PEA15: variants seen among roughly 807,000 people sequenced by gnomAD.
The protein encoded by PEA15 is astrocytic phosphoprotein PEA-15.
For synonymous variants in PEA15, 60 were observed against 61.8 expected (o/e 0.97, Z 0.13); for missense variants, 77 against 161.3 (o/e 0.48, Z 2.83).
chr1:160,209,664 A>G (rs780663901), intron 1 of PEA15, among the ~76,000 whole-genome samples: 3 of 152,018 alleles, frequency 2.0e-5, no homozygotes, highest in Non-Finnish European at 4.4e-5. Context: ...TTGGCCCCAG[A>G]GTTTCCTCCA....
Position 160,205,412 on chromosome 1 carries a change from G to A in PEA15, c.-113G>A, listed in dbSNP as rs1654510770. On this transcript the variant is annotated 5_prime_UTR_variant, in exon 1 of 4. Coordinates refer to ENST00000360472, the MANE Select transcript of PEA15 (RefSeq NM_003768.5). The surrounding 1 kb of genome is among the most constrained non-coding windows in gnomAD (Gnocchi z 5.9). ...TCCGCGGGCGGAAGAGGCGGCGGCGGCGGCAGAAGCGGCGGCGGCGGCGGC... is the reference window on the plus strand; with the variant it reads ...TCCGCGGGCGGAAGAGGCGGCGGCGACGGCAGAAGCGGCGGCGGCGGCGGC... 2 of 170,792 alleles carry A rather than the reference G, an allele frequency of 1.2e-5. No individual in the cohort carries two copies. Among genetic ancestry groups the A allele is most frequent in the South Asian group, 1.3e-4 (1 of 7,836 alleles). The allele number at this position is 170,792 out of a possible 1,614,324, so 10.6% of individuals were successfully genotyped here.
intron 2 of PEA15, among the ~76,000 whole-genome samples, chr1:160,212,169 G>A (rs755831695): frequency 6.6e-6 from 1 of 152,172 alleles, no homozygotes; most frequent in African/African-American, 2.4e-5. Context: ...TGCTTGGGGA[G>A]TGGGATCTAT....
At chr1:160,210,124 C>G (rs1475335953) in intron 1 of PEA15, among the ~76,000 whole-genome samples, 1 of 152,192 alleles carries the variant, frequency 6.6e-6, no homozygotes, top group Non-Finnish European at 1.5e-5. Context: ...ACTTCTGGGT[C>G]TGTATCTCTT....
At chr1:160,209,534 C>CAG (rs1654763929) in intron 1 of PEA15, among the ~76,000 whole-genome samples, 2 of 152,068 alleles carry the variant, frequency 1.3e-5, no homozygotes, top group South Asian at 4.1e-4. Flanking sequence ...CACACACACA[C>CAG]AGACACACAC....
chr1:160,211,460 G>C (rs1420804573), intron 1 of PEA15, 83 bp from the exon 2 acceptor site: 58 of 1,452,146 alleles, frequency 4.0e-5, no homozygotes, highest in Non-Finnish European at 5.3e-5. Context: ...GCAGAGTGGG[G>C]AGTAGGAGGG....
At chr1:160,212,072 T>G (rs1470712411) in intron 2 of PEA15, among the ~76,000 whole-genome samples, 1 of 152,200 alleles carries the variant, frequency 6.6e-6, no homozygotes, top group Non-Finnish European at 1.5e-5. Context: ...TAAATAGTAA[T>G]ACTAATCTTT....
intron 1 of PEA15, chr1:160,206,482 G>A (rs1654594076): frequency 6.6e-6 from 1 of 152,412 alleles, no homozygotes; most frequent in Non-Finnish European, 1.5e-5. Context: ...TCTCTTCCTG[G>A]GTCCAGTTAG....
rs1457701161 is a variant in PEA15, at chr1:160,211,795, C to T, written c.172+79C>T. On this transcript the variant is annotated intron_variant, in intron 2 of 3. Coordinates refer to ENST00000360472, the MANE Select transcript of PEA15 (RefSeq NM_003768.5). ...TCAGCAAATAGAGATGAGCTCAAAGCTTTTACATCCACAATGTGTACCCCT... is the reference window on the plus strand; with the variant it reads ...TCAGCAAATAGAGATGAGCTCAAAGTTTTTACATCCACAATGTGTACCCCT... 5.8e-6 allele frequency: 8 copies of T among 1,378,270 alleles called. No homozygotes were observed. The East Asian group carries it at 6.9e-5, about 12-fold the overall frequency. The allele number at this position is 1,378,270 out of a possible 1,614,324, so 85.4% of individuals were successfully genotyped here.
At chr1:160,209,586 A>C (rs568590358) in intron 1 of PEA15, among the ~76,000 whole-genome samples, 4 of 152,138 alleles carry the variant, frequency 2.6e-5, no homozygotes, top group Admixed American at 6.5e-5. Context: ...TAATATTTAC[A>C]AACTCTCCTT....
At position 160,213,608 on chromosome 1, in the gene PEA15, C is replaced by T; in HGVS notation, c.*122C>T. The T allele has an allele frequency of 1.4e-6, 1 of 693,026 alleles. No individual in the cohort carries two copies. The highest frequency in any genetic ancestry group is 2.5e-6 in the Non-Finnish European group (1 of 405,148). The allele number at this position is 693,026 out of a possible 1,614,324, so 42.9% of individuals were successfully genotyped here. A position where few individuals can be genotyped will look rare whatever the true frequency, so the allele number is the denominator to read the frequency against. Reference sequence around the variant, plus strand: ...CACTTACTAACCTGGTCCTAACCCCCTTACTGTGCGCGTGTGTGTGCGTGT... The same window carrying T: ...CACTTACTAACCTGGTCCTAACCCCTTTACTGTGCGCGTGTGTGTGCGTGT... On this transcript the variant is annotated 3_prime_UTR_variant, in exon 4 of 4. Coordinates refer to ENST00000360472, the MANE Select transcript of PEA15 (RefSeq NM_003768.5). The surrounding 1 kb of genome is among the most constrained non-coding windows in gnomAD (Gnocchi z 5.3).
Position 160,208,610 on chromosome 1 carries a change from G to A in PEA15, c.-2-2933G>A. The A allele has an allele frequency of 6.4e-7, 1 of 1,550,528 alleles. No homozygotes were observed. On this transcript the variant is annotated intron_variant, in intron 1 of 3. Coordinates refer to ENST00000360472, the MANE Select transcript of PEA15 (RefSeq NM_003768.5). This position sits in a 1 kb window ranked among gnomAD's most constrained non-coding sequence, Gnocchi z 4.1. The stretch of plus-strand genomic sequence containing the variant: ...TCTCTGGTGAGGAAAGTGACATGGA[G>A]GATGAAGGAAACAAGCTCTGCCAAG...
Position 160,213,419 on chromosome 1 carries a change from C to T in PEA15, c.329-3C>T, listed in dbSNP as rs758557864. The T allele has an allele frequency of 1.2e-6, 2 of 1,614,072 alleles. No homozygotes were observed. The highest frequency in any genetic ancestry group is 3.3e-5 in the Admixed American group (2 of 59,990). The stretch of plus-strand genomic sequence containing the variant: ...CCCTGGACACATACCTTTTTGCCCC[C>T]AGACATTATCCGGCAGCCCTCTGAG... On this transcript the variant is annotated splice_region_variant and splice_polypyrimidine_tract_variant and intron_variant, in intron 3 of 3. Transcript: ENST00000360472. The surrounding 1 kb of genome is among the most constrained non-coding windows in gnomAD (Gnocchi z 5.3).
chr1:160,206,983 T>G (rs1408172455), intron 1 of PEA15: 1 of 152,432 alleles, frequency 6.6e-6, no homozygotes, highest in Admixed American at 6.5e-5. Flanking sequence ...TTATCATGCA[T>G]GAAGAGGGTC....
intron 2 of PEA15, among the ~76,000 whole-genome samples, chr1:160,212,253 G>A (rs903442996): frequency 6.6e-6 from 1 of 152,008 alleles, no homozygotes; most frequent in Non-Finnish European, 1.5e-5. Flanking sequence ...AAAGGTGAGT[G>A]GGATTTCTAA....
At position 160,208,345 on chromosome 1, in the gene PEA15, A is replaced by C. The variant is rs1654693227; in HGVS notation, c.-3+2823A>C. The C allele has an allele frequency of 6.3e-6, 3 of 478,630 alleles. No homozygotes were observed. The highest frequency in any genetic ancestry group is 1.1e-5 in the Non-Finnish European group (3 of 262,604). 29.6% of individuals were successfully genotyped at this position (478,630 alleles called of 1,614,324 possible). A position where few individuals can be genotyped will look rare whatever the true frequency, so the allele number is the denominator to read the frequency against. ...CAGCTTGGAAGGAGAGGGAGGCAGG[A>C]AGGAAGGAAGGTGTGAGGAAGCGGT... On this transcript the variant is annotated intron_variant, in intron 1 of 3. Transcript: ENST00000360472. The surrounding 1 kb of genome is among the most constrained non-coding windows in gnomAD (Gnocchi z 4.1).
In PEA15 at chr1:160,215,020, A is replaced by C. The variant is rs932470007; in HGVS notation, c.*1534A>C. 5.9e-5 allele frequency: 9 copies of C among 152,862 alleles called. No homozygotes were observed. Among genetic ancestry groups the C allele is most frequent in the African/African-American group, 2.2e-4 (9 of 41,436 alleles). The allele number at this position is 152,862 out of a possible 1,614,324, so 9.5% of individuals were successfully genotyped here. ...TCTAGGACTCCACAGTTTTGCCTTA[A>C]AGGACCTTCCCAAGTCTCCCTTTCC... On this transcript the variant is annotated 3_prime_UTR_variant, in exon 4 of 4. Coordinates refer to ENST00000360472, the MANE Select transcript of PEA15 (RefSeq NM_003768.5).
At chr1:160,207,323 A>G (rs552964301) in intron 1 of PEA15, 1 of 152,504 alleles carries the variant, frequency 6.6e-6, no homozygotes, top group Non-Finnish European at 1.5e-5. Flanking sequence ...GAAATGCATG[A>G]CAAAGAGTGA....
intron 1 of PEA15, among the ~76,000 whole-genome samples, chr1:160,209,510 GACACACAC>G (rs111598251): frequency 6.8e-6 from 1 of 146,614 alleles, no homozygotes; most frequent in Non-Finnish European, 1.5e-5. Flanking sequence ...AACTCCTCCC[GACACACAC>G]ACACACACAC....
chr1:160,211,440 G>T, intron 1 of PEA15, 103 bp from the exon 2 acceptor site: 1 of 1,400,300 alleles, frequency 7.1e-7, no homozygotes, highest in African/African-American at 1.4e-5. Flanking sequence ...CCAGGCACAT[G>T]CCTGGTAGGG....
Sources: gnomAD v4.1 joint callset for allele counts (sites outside exome capture counted in the v4.1 genomes callset) on GRCh38, gnomAD v4.1.1 for gene constraint, Gnocchi (gnomAD v3.1) non-coding constraint, MANE v1.5 for transcripts, NCBI Gene and HGNC (gene_info 2026-07-23, HGNC 2026-07-21) for gene names.